CHD7: variants seen among roughly 807,000 people sequenced by gnomAD.
The protein encoded by CHD7 is ATP-dependent chromatin remodeler CHD7.
In CHD7, 24 loss-of-function variants were observed where a neutral mutation model predicts 307.3. That is an observed-to-expected ratio of 0.08 (90% confidence interval 0.06 to 0.11). The LOEUF is 0.11. CHD7 is among the 10% of genes least tolerant of loss of function. CHD7 has a pLI of 1.00. For synonymous variants in CHD7, 1,363 were observed against 1,349.9 expected (o/e 1.01, Z -0.21); for missense variants, 3,106 against 3,727.1 (o/e 0.83, Z 4.34).
intron 2 of CHD7, among the ~76,000 whole-genome samples, chr8:60,767,764 CCT>C (rs112923875): frequency 2.6e-5 from 4 of 152,302 alleles, no homozygotes; most frequent in African/African-American, 9.6e-5. Context: ...TTTCTTCTCC[CCT>C]CTCTCTTCGT....
chr8:60,746,961 A>G (rs1809357971), intron 2 of CHD7, among the ~76,000 whole-genome samples: 2 of 152,220 alleles, frequency 1.3e-5, no homozygotes, highest in Non-Finnish European at 2.9e-5. Context: ...AGACCTCTAC[A>G]CATTCTTAAA....
intron 4 of CHD7, among the ~76,000 whole-genome samples, chr8:60,797,390 A>G (rs960689009): frequency 4.6e-5 from 7 of 152,246 alleles, no homozygotes; most frequent in Non-Finnish European, 1.0e-4. Flanking sequence ...CACAAAGTTG[A>G]TATCAGGAGG....
At chr8:60,702,343 GTTCT>G (rs1806805804) in intron 1 of CHD7, among the ~76,000 whole-genome samples, 1 of 152,176 alleles carries the variant, frequency 6.6e-6, no homozygotes, top group Non-Finnish European at 1.5e-5. Flanking sequence ...TATTTTAGAT[GTTCT>G]TTCTTGTTAG....
intron 15 of CHD7, among the ~76,000 whole-genome samples, chr8:60,830,911 G>A (rs1354500599): frequency 6.6e-6 from 1 of 152,168 alleles, no homozygotes; most frequent in Non-Finnish European, 1.5e-5. Context: ...GGTTTTCTTG[G>A]GGTGTGTGTA....
intron 2 of CHD7, among the ~76,000 whole-genome samples, chr8:60,772,108 G>A (rs529980067): frequency 1.7e-4 from 26 of 152,210 alleles, no homozygotes; most frequent in Non-Finnish European, 3.2e-4. Flanking sequence ...TATAGGACAA[G>A]AGTAGTCTGT....
At chr8:60,799,793 A>T (rs766124735) in intron 4 of CHD7, among the ~76,000 whole-genome samples, 3 of 152,148 alleles carry the variant, frequency 2.0e-5, no homozygotes, top group Non-Finnish European at 4.4e-5. Flanking sequence ...TGATGGACAT[A>T]CTGACTGACT....
intron 21 of CHD7, among the ~76,000 whole-genome samples, chr8:60,842,332 A>G (rs1805010784): frequency 6.6e-6 from 1 of 152,242 alleles, no homozygotes; most frequent in South Asian, 2.1e-4. Flanking sequence ...ATTATTAATA[A>G]TTAAGAACAA....
chr8:60,826,478 C>G (rs986438214), intron 13 of CHD7, among the ~76,000 whole-genome samples: 5 of 152,136 alleles, frequency 3.3e-5, no homozygotes, highest in Admixed American at 2.0e-4. Flanking sequence ...TTATTCTTTC[C>G]TAGAATAAGT....
At chr8:60,679,652 A>ACCCCCGCCTCCCGCCCCCGC (rs1805477917) in intron 1 of CHD7, 1 of 143,986 alleles carries the variant, frequency 6.9e-6, no homozygotes, top group Non-Finnish European at 1.5e-5. Flanking sequence ...GACGGCGGCG[A>ACCCCCGCCTCCCGCCCCCGC]CCCCCGCCTC....
At chr8:60,813,462 G>A (rs1812905063) in intron 7 of CHD7, among the ~76,000 whole-genome samples, 1 of 152,124 alleles carries the variant, frequency 6.6e-6, no homozygotes, top group Admixed American at 6.5e-5. Context: ...GAGATAGTAG[G>A]TATCCATGCT....
rs749888914 is a variant in CHD7 at position 60,742,172 on chromosome 8, C to T, written c.740C>T (p.Pro247Leu). Reference sequence around the variant, plus strand: ...CCCCAGCAGAGTCCCAGCATGGCACCTTCCTTGCGTCACTCGGTGCAGCAG... The same window carrying T: ...CCCCAGCAGAGTCCCAGCATGGCACTTTCCTTGCGTCACTCGGTGCAGCAG... ...HVPQQSPSMA[P>L]SLRHSVQQFH... The change falls in exon 2 of 38, where the codon CCT (proline) becomes CTT (leucine). Residue 247 changes from proline to leucine, a missense_variant. Around this residue, in one of 10 missense-constraint regions of CHD7, gnomAD observed 998 missense variants for 1,004.5 expected, o/e 0.99. Coordinates refer to ENST00000423902, the MANE Select transcript of CHD7 (RefSeq NM_017780.4). The T allele has an allele frequency of 1.2e-6, 2 of 1,613,952 alleles. No homozygotes were observed. The highest frequency in any genetic ancestry group is 1.1e-5 in the South Asian group (1 of 91,086).
intron 15 of CHD7, among the ~76,000 whole-genome samples, chr8:60,835,164 G>A (rs564720346): frequency 2.6e-5 from 4 of 152,200 alleles, no homozygotes; most frequent in East Asian, 1.9e-4. Context: ...CCAATGCTGC[G>A]TAATTCTAGT....
chr8:60,713,003 T>C (rs913525079), intron 1 of CHD7, among the ~76,000 whole-genome samples: 3 of 147,436 alleles, frequency 2.0e-5, no homozygotes, highest in African/African-American at 7.6e-5. Flanking sequence ...TGAGCCGAGA[T>C]TGCGCCACTG....
At chr8:60,795,844 TGTGG>T (rs1812003560) in intron 4 of CHD7, among the ~76,000 whole-genome samples, 1 of 152,194 alleles carries the variant, frequency 6.6e-6, no homozygotes, top group African/African-American at 2.4e-5. Context: ...AGCATGCCAG[TGTGG>T]TCCACTGGGA....
At chr8:60,704,742 G>A (rs1806935834) in intron 1 of CHD7, among the ~76,000 whole-genome samples, 1 of 152,110 alleles carries the variant, frequency 6.6e-6, no homozygotes, top group African/African-American at 2.4e-5. Context: ...GGCAGAATGT[G>A]TCCTAGGTGA....
rs766776212 is a variant in CHD7, at chr8:60,853,003, G to A, written c.6278G>A (p.Cys2093Tyr). 8.7e-6 allele frequency: 14 copies of A among 1,614,022 alleles called. No homozygotes were observed. The Admixed American group carries it at 2.2e-4, about 25-fold the overall frequency. ...TTGGATCTGCCAGAGTGGTGGGAGT[G>A]TGGACGGCATGACCGAGACTTGCTG... ...PSLDLPEWWECGRHDRDLLVG... is the reference protein window; with the variant it reads ...PSLDLPEWWEYGRHDRDLLVG... Residue 2093 changes from cysteine to tyrosine, a missense_variant, in exon 31 of 38, where the codon TGT becomes TAT. Cys to Tyr is a radical substitution (Grantham distance 194, BLOSUM62 -2). Coordinates refer to ENST00000423902, the MANE Select transcript of CHD7 (RefSeq NM_017780.4).
chr8:60,808,343 A>G (rs1812634559), intron 7 of CHD7, 71 bp downstream of exon 7: 1 of 902,376 alleles, frequency 1.1e-6, no homozygotes, highest in Non-Finnish European at 1.7e-6. Context: ...ATTTTTTTTT[A>G]AAGTTGGGAA....
intron 16 of CHD7, 149 bp downstream of exon 16, chr8:60,836,432 A>G (rs1804744100): frequency 1.3e-5 from 9 of 671,832 alleles, no homozygotes; most frequent in Non-Finnish European, 2.2e-5. Flanking sequence ...ATAGATGTAC[A>G]TGATGATTAT....
rs1330900330 is a variant in CHD7 at position 60,828,658 on chromosome 8, C to G, written c.3379-5C>G. On this transcript the variant is annotated splice_region_variant and splice_polypyrimidine_tract_variant and intron_variant, in intron 13 of 37. Coordinates refer to ENST00000423902, the MANE Select transcript of CHD7 (RefSeq NM_017780.4). ...TGGTTAGTGGCTTTCCTTGTGTTAC[C>G]TCAGGAACACAAAGTGCTGCTGACG... is the stretch of plus-strand genomic sequence containing the variant. 15 of 1,598,504 alleles carry G rather than the reference C, an allele frequency of 9.4e-6. No homozygotes were observed. Among genetic ancestry groups the G allele is most frequent in the Non-Finnish European group, 1.3e-5 (15 of 1,173,162 alleles).
Sources: gnomAD v4.1 joint callset for allele counts (sites outside exome capture counted in the v4.1 genomes callset) on GRCh38, gnomAD v4.1.1 for gene constraint, gnomAD v4.1.1 regional missense constraint, MANE v1.5 for transcripts, NCBI Gene and HGNC (gene_info 2026-07-23, HGNC 2026-07-21) for gene names.